The following QTMAN variants were observed in gnomAD, a reference collection of about 807,000 sequenced individuals.
The protein encoded by QTMAN is tRNA-queuosine alpha-mannosyltransferase.
At chr2:144,301,979 T>C in the QTMAN span, among the ~76,000 whole-genome samples, 2 of 152,198 alleles carry the variant, frequency 1.3e-5, no homozygotes, top group East Asian at 3.8e-4. Flanking sequence ...TCTGAAGGAC[T>C]ATCTGAAAAT....
the QTMAN span, among the ~76,000 whole-genome samples, chr2:144,278,006 T>C: frequency 8.9e-3 from 1,350 of 152,250 alleles, 15 homozygotes; most frequent in African/African-American, 0.03. Flanking sequence ...CAAGGAAAGA[T>C]AGCATCAAAC....
chr2:144,332,564 C>CGCCTCG, the QTMAN span: 1 of 148,868 alleles, frequency 6.7e-6, no homozygotes, highest in Non-Finnish European at 1.5e-5. Flanking sequence ...GGCCCGCGGC[C>CGCCTCG]GCCTCGGCCT....
the QTMAN span, among the ~76,000 whole-genome samples, chr2:144,077,906 T>C: frequency 6.6e-6 from 1 of 152,236 alleles, no homozygotes; most frequent in African/African-American, 2.4e-5. Context: ...CTTATTGTTT[T>C]ACGTATCTGA....
At chr2:143,983,063 T>C in the QTMAN span, among the ~76,000 whole-genome samples, 2 of 152,136 alleles carry the variant, frequency 1.3e-5, no homozygotes, top group African/African-American at 2.4e-5. Flanking sequence ...ATCAGAATAA[T>C]TGAAGTAAAA....
the QTMAN span, among the ~76,000 whole-genome samples, chr2:143,988,542 T>A: frequency 6.6e-6 from 1 of 152,248 alleles, no homozygotes; most frequent in Admixed American, 6.5e-5. Context: ...GGAACTGCTC[T>A]AAGACCAGTG....
chr2:143,970,297 C>CA, the QTMAN span, among the ~76,000 whole-genome samples: 1 of 152,088 alleles, frequency 6.6e-6, no homozygotes, highest in African/African-American at 2.4e-5. Flanking sequence ...CAGCCAATAC[C>CA]AATGTGAGCA....
At chr2:143,991,627 C>A in the QTMAN span, among the ~76,000 whole-genome samples, 66 of 143,364 alleles carry the variant, frequency 4.6e-4, 1 homozygote, top group African/African-American at 1.7e-3. Context: ...TGCCCGGCCG[C>A]CCCTACTGGG....
chr2:144,254,855 A>T, the QTMAN span, among the ~76,000 whole-genome samples: 1 of 152,242 alleles, frequency 6.6e-6, no homozygotes, highest in Non-Finnish European at 1.5e-5. Flanking sequence ...CATGGAGTCA[A>T]AGAGAATCAT....
the QTMAN span, chr2:143,946,818 A>G: frequency 7.6e-6 from 4 of 529,460 alleles, no homozygotes. Context: ...ATGTGTAACC[A>G]TCATAACGTC....
the QTMAN span, among the ~76,000 whole-genome samples, chr2:144,181,948 C>T: frequency 1.7e-4 from 26 of 151,778 alleles, no homozygotes; most frequent in South Asian, 5.0e-3. Context: ...GTCAAATATG[C>T]CCTCCTTCAA....
chr2:143,961,922 G>GT, the QTMAN span, among the ~76,000 whole-genome samples: 2 of 152,068 alleles, frequency 1.3e-5, no homozygotes, highest in African/African-American at 4.8e-5. Context: ...GGAGGGAAGG[G>GT]TATCAGCCCA....
At chr2:144,060,478 C>T in the QTMAN span, among the ~76,000 whole-genome samples, 60 of 152,280 alleles carry the variant, frequency 3.9e-4, no homozygotes, top group African/African-American at 1.3e-3. Flanking sequence ...CCAGGCTGGT[C>T]TCAAACTCCT....
the QTMAN span, among the ~76,000 whole-genome samples, chr2:144,102,109 T>C: frequency 6.6e-6 from 1 of 152,240 alleles, no homozygotes; most frequent in African/African-American, 2.4e-5. Flanking sequence ...GGCTCAATGG[T>C]CTGGTAAATG....
the QTMAN span, among the ~76,000 whole-genome samples, chr2:143,977,964 T>C: frequency 0.03 from 4,615 of 152,294 alleles, 227 homozygotes; most frequent in African/African-American, 0.11. Context: ...CAATTCGCCA[T>C]TCATGTATTT....
chr2:144,081,369 A>G, the QTMAN span, among the ~76,000 whole-genome samples: 2 of 152,200 alleles, frequency 1.3e-5, no homozygotes, highest in Admixed American at 1.3e-4. Context: ...TCCTTCTTCC[A>G]CAAGAGTCCA....
chr2:144,208,576 T>G, the QTMAN span: 1 of 1,595,828 alleles, frequency 6.3e-7, no homozygotes, highest in Non-Finnish European at 8.5e-7. Flanking sequence ...TAAAAAACGC[T>G]GAAAATGCAT....
At chr2:143,989,352 A>C in the QTMAN span, among the ~76,000 whole-genome samples, 1 of 152,314 alleles carries the variant, frequency 6.6e-6, no homozygotes, top group South Asian at 2.1e-4. Context: ...GCTTTGTTTT[A>C]TTTAACTCCC....
At chr2:143,962,827 G>A in the QTMAN span, among the ~76,000 whole-genome samples, 1 of 152,148 alleles carries the variant, frequency 6.6e-6, no homozygotes, top group East Asian at 1.9e-4. Context: ...CCTGTGAAAT[G>A]TCTGAGTTAA....
the QTMAN span, among the ~76,000 whole-genome samples, chr2:144,034,649 G>A: frequency 6.6e-6 from 1 of 152,020 alleles, no homozygotes; most frequent in Non-Finnish European, 1.5e-5. Flanking sequence ...TTTTTAAACT[G>A]AATTTGCCAA....
Sources: allele counts gnomAD v4.1 joint callset (sites outside exome capture counted in the v4.1 genomes callset), GRCh38; gene constraint gnomAD v4.1.1; transcripts MANE v1.5; gene names NCBI Gene and HGNC (gene_info 2026-07-23, HGNC 2026-07-21).